PHF21B: variants seen among roughly 807,000 people sequenced by gnomAD.
PHF21B encodes PHD finger protein 21B.
Under a neutral mutation model 62.2 loss-of-function variants are expected in PHF21B, and 22 were observed. The ratio of observed to expected loss-of-function variants is 0.35; its 90% CI spans 0.25 to 0.51. The LOEUF (loss-of-function observed/expected upper bound fraction) is 0.51. Ranked by LOEUF, PHF21B falls within the 20% of genes least tolerant of loss-of-function variation. The pLI is 0.97. For missense variants in PHF21B, 701 were observed against 707.9 expected, an observed-to-expected ratio of 0.99 and a Z score of 0.11; for synonymous variants, 341 against 314.7, an observed-to-expected ratio of 1.08 and a Z score of -0.88.
chr22:44,965,298 C>T (rs1424257513), intron 2 of PHF21B, among the ~76,000 whole-genome samples: 1 of 152,046 alleles, frequency 6.6e-6, no homozygotes, highest in African/African-American at 2.4e-5. Flanking sequence ...AGATGCCTCC[C>T]AGCCTCTTCC....
chr22:44,910,356 G>A (rs1365940246), intron 5 of PHF21B, among the ~76,000 whole-genome samples: 3 of 152,280 alleles, frequency 2.0e-5, no homozygotes, highest in South Asian at 2.1e-4. Flanking sequence ...TGAGGCAGGA[G>A]GATCACTTGA....
intron 2 of PHF21B, among the ~76,000 whole-genome samples, chr22:44,985,940 CATCACCATG>C (rs1004913061): frequency 6.6e-6 from 1 of 151,818 alleles, no homozygotes; most frequent in African/African-American, 2.4e-5. Context: ...CCACCACTAC[CATCACCATG>C]ATCACCATTA....
intron 2 of PHF21B, among the ~76,000 whole-genome samples, chr22:44,929,560 C>T (rs1281863735): frequency 1.3e-5 from 2 of 152,336 alleles, no homozygotes; most frequent in East Asian, 3.9e-4. Context: ...GAGGCCAACC[C>T]ATGTGCATTT....
chr22:44,909,165 T>C (rs2071302904), intron 5 of PHF21B, among the ~76,000 whole-genome samples: 1 of 152,270 alleles, frequency 6.6e-6, no homozygotes, highest in East Asian at 1.9e-4. Context: ...TTGCAAGTTC[T>C]ATCTATCTAA....
In PHF21B at chr22:44,916,406, C is replaced by T. The variant is rs368884245; in HGVS notation, c.438G>A (p.Ala146=). The change falls in exon 4 of 13, where the codon GCG becomes GCA. Residue 146 remains alanine, a synonymous_variant. Coordinates refer to ENST00000313237, the MANE Select transcript of PHF21B (RefSeq NM_138415.5). ...TGGAGATGATGGCGTAGGCCACCCC[C>T]GCACTGCTCAGCGGAGAGGCGAGGG... ...PAALASPLSS[A]GVAYAIISTS... The T allele has an allele frequency of 2.5e-4, 402 of 1,597,978 alleles. 1 individual carries two copies. The highest frequency in any genetic ancestry group is 2.9e-4 in the Non-Finnish European group (340 of 1,177,190).
chr22:44,914,132 AG>A, intron 4 of PHF21B, 44 bp from the exon 5 acceptor site: 2 of 225,002 alleles, frequency 8.9e-6, no homozygotes, highest in Non-Finnish European at 1.6e-5. Context: ...GGGAAGAGTG[AG>A]GGGGGCTGGG....
At chr22:44,939,638 C>T (rs561104104) in intron 2 of PHF21B, among the ~76,000 whole-genome samples, 29 of 152,234 alleles carry the variant, frequency 1.9e-4, no homozygotes, top group Non-Finnish European at 3.2e-4. Context: ...ACACCCAGCC[C>T]GTCCTGTCCC....
chr22:44,885,659 G>A, intron 11 of PHF21B, 130 bp from the exon 12 acceptor site: 1 of 1,061,290 alleles, frequency 9.4e-7, no homozygotes. Context: ...AGTGGCTGTG[G>A]CCAAATGCAC....
intron 2 of PHF21B, among the ~76,000 whole-genome samples, chr22:44,987,119 CA>C (rs2072964061): frequency 6.6e-6 from 1 of 152,218 alleles, no homozygotes; most frequent in Admixed American, 6.5e-5. Flanking sequence ...AAACTTGAGA[CA>C]AACAACTTTG....
chr22:45,008,342 G>A, intron 2 of PHF21B: 1 of 447,618 alleles, frequency 2.2e-6, no homozygotes, highest in Non-Finnish European at 3.8e-6. Context: ...GGCCCCCGCA[G>A]GGCCCGGCTC....
At chr22:45,007,043 G>C (rs943961016) in intron 2 of PHF21B, among the ~76,000 whole-genome samples, 3 of 151,916 alleles carry the variant, frequency 2.0e-5, no homozygotes, top group African/African-American at 7.3e-5. Context: ...GCCGCGCGCC[G>C]GGCCCCCCTC....
In PHF21B at chr22:44,982,534, C is replaced by T. The variant is rs140565954; in HGVS notation, c.120+26011G>A. Among the ~76,000 whole-genome samples, 194 of 152,284 alleles carry T rather than the reference C, an allele frequency of 1.3e-3. 3 individuals are homozygous for T. The East Asian group carries it at 0.033, about 26-fold the overall frequency. ...GTGTCCTCCCCACTCCTCCACAGGCCCAAGTGCTCGGCGGGTCCTAAGCAA... is the reference window on the plus strand; with the variant it reads ...GTGTCCTCCCCACTCCTCCACAGGCTCAAGTGCTCGGCGGGTCCTAAGCAA... On this transcript the variant is annotated intron_variant, in intron 2 of 12. Coordinates refer to ENST00000313237, the MANE Select transcript of PHF21B (RefSeq NM_138415.5).
At chr22:45,004,262 T>C (rs80259242) in intron 2 of PHF21B, among the ~76,000 whole-genome samples, 8,926 of 152,304 alleles carry the variant, frequency 0.059, 342 homozygotes, top group South Asian at 0.16. Context: ...AGCTGTTTTG[T>C]TGATGTTTTT....
chr22:44,889,748 G>A lies in PHF21B; in HGVS notation c.1038+12C>T. ...CCCCGGAAGTGTGAAGACGGAGGGA[G>A]GGGACACGTACCTTCCAGCAGGGGT... On this transcript the variant is annotated intron_variant, in intron 9 of 12. Coordinates refer to ENST00000313237, the MANE Select transcript of PHF21B (RefSeq NM_138415.5). 1.3e-6 allele frequency: 2 copies of A among 1,583,330 alleles called. No homozygotes were observed. The highest frequency in any genetic ancestry group is 1.8e-5 in the Admixed American group (1 of 54,080).
chr22:44,920,460 T>C lies in PHF21B; in HGVS notation c.151A>G (p.Thr51Ala). 6.2e-7 allele frequency: 1 copy of C among 1,613,046 alleles called. No homozygotes were observed. The highest frequency in any genetic ancestry group is 8.5e-7 in the Non-Finnish European group (1 of 1,179,516). ...TGCAAGGAGCTGACCTGAGGACCCG[T>C]GACAGGCACTGCAGTGATCGTTCCC... ...ALGTITAVPV[T>A]GPQVSSLQRL... Residue 51 changes from threonine (T) to alanine (A), a missense_variant, in exon 3 of 13, where the codon ACG becomes GCG. Thr to Ala is a moderately conservative substitution (Grantham distance 58). Coordinates refer to ENST00000313237, the MANE Select transcript of PHF21B (RefSeq NM_138415.5).
intron 2 of PHF21B, among the ~76,000 whole-genome samples, chr22:44,987,810 C>T (rs1271973379): frequency 6.6e-6 from 1 of 151,554 alleles, no homozygotes; most frequent in Non-Finnish European, 1.5e-5. Flanking sequence ...CCCCTTCCTT[C>T]TCTCTATCTC....
chr22:44,956,089 G>C (rs1200243895), intron 2 of PHF21B, among the ~76,000 whole-genome samples: 1 of 152,254 alleles, frequency 6.6e-6, no homozygotes. Flanking sequence ...GAAGGGGACT[G>C]AGCCCTCCAG....
chr22:44,995,182 G>C (rs1338552714), intron 2 of PHF21B, among the ~76,000 whole-genome samples: 1 of 152,162 alleles, frequency 6.6e-6, no homozygotes, highest in South Asian at 2.1e-4. Context: ...GCTGCACCAG[G>C]ATGTAATAAA....
intron 2 of PHF21B, among the ~76,000 whole-genome samples, chr22:44,994,656 C>T (rs2073091923): frequency 6.6e-6 from 1 of 152,210 alleles, no homozygotes; most frequent in Non-Finnish European, 1.5e-5. Flanking sequence ...CAGCCACAAC[C>T]CCCGGGCTCA....
Sources: gnomAD v4.1 joint callset for allele counts (sites outside exome capture counted in the v4.1 genomes callset) on GRCh38, gnomAD v4.1.1 for gene constraint, MANE v1.5 for transcripts, NCBI Gene and HGNC (gene_info 2026-07-23, HGNC 2026-07-21) for gene names.